Variants in MECOM observed in about 807,000 individuals in gnomAD.
The protein encoded by MECOM is histone-lysine N-methyltransferase MECOM.
A neutral mutation model predicts 116.3 loss-of-function variants in MECOM; 13 were observed. The ratio of observed to expected loss-of-function variants is 0.11; its 90% CI spans 0.07 to 0.18. The LOEUF (loss-of-function observed/expected upper bound fraction) is 0.18. Among genes scored for constraint, MECOM ranks in the 10% least tolerant of loss-of-function variants. The pLI, the probability that MECOM is intolerant of heterozygous loss-of-function variation, is 1.00. For missense variants in MECOM, 1,299 were observed against 1,509.0 expected, an observed-to-expected ratio of 0.86 and a Z score of 2.31; for synonymous variants, 528 against 535.2, an observed-to-expected ratio of 0.99 and a Z score of 0.19.
rs147231141 is a variant in MECOM, at chr3:169,493,037, A to C, written c.38-111513T>G. 1.1e-4 allele frequency among the ~76,000 whole-genome samples: 16 copies of C among 152,360 alleles called. 1 individual carries two copies. The highest frequency in any genetic ancestry group is 3.8e-4 in the African/African-American group (16 of 41,592). ...GTCTTTTCTTATTTAAATAGAATAG[A>C]AAGCTATAGTCAGAACAATGAACAA... On this transcript the variant is annotated intron_variant, in intron 1 of 16. Coordinates refer to ENST00000651503, the MANE Select transcript of MECOM (RefSeq NM_004991.4).
At chr3:169,385,997 A>G (rs538015996) in intron 1 of MECOM, among the ~76,000 whole-genome samples, 1 of 152,342 alleles carries the variant, frequency 6.6e-6, no homozygotes, top group Non-Finnish European at 1.5e-5. Context: ...GAGGAAAGAA[A>G]GACAAGCATA....
At chr3:169,525,808 C>T (rs1055186252) in intron 1 of MECOM, among the ~76,000 whole-genome samples, 1 of 152,138 alleles carries the variant, frequency 6.6e-6, no homozygotes, top group Non-Finnish European at 1.5e-5. Flanking sequence ...GCGGGTGGAT[C>T]GCCTGAGGTC....
At chr3:169,349,027 T>A (rs1377939913) in intron 2 of MECOM, among the ~76,000 whole-genome samples, 1 of 151,804 alleles carries the variant, frequency 6.6e-6, no homozygotes, top group Non-Finnish European at 1.5e-5. Flanking sequence ...TTTTTTTACA[T>A]CAATATAAAG....
intron 2 of MECOM, among the ~76,000 whole-genome samples, chr3:169,219,774 T>A (rs190138464): frequency 7.5e-4 from 113 of 149,832 alleles, no homozygotes; most frequent in Non-Finnish European, 1.4e-3. Context: ...TAATGGTATA[T>A]ATATATTATA....
At chr3:169,254,169 T>C (rs1756579974) in intron 2 of MECOM, among the ~76,000 whole-genome samples, 1 of 152,124 alleles carries the variant, frequency 6.6e-6, no homozygotes, top group Non-Finnish European at 1.5e-5. Context: ...TTAACATCTA[T>C]AATCAACCAG....
chr3:169,307,276 C>T (rs1471058749), intron 2 of MECOM, among the ~76,000 whole-genome samples: 1 of 152,094 alleles, frequency 6.6e-6, no homozygotes, highest in Non-Finnish European at 1.5e-5. Flanking sequence ...CTAGAATTGC[C>T]CCCTTCAATA....
chr3:169,426,578 T>C (rs971913602), intron 1 of MECOM, among the ~76,000 whole-genome samples: 5 of 152,210 alleles, frequency 3.3e-5, no homozygotes, highest in African/African-American at 1.2e-4. Flanking sequence ...GTTTTTCACC[T>C]TTTGAAATCC....
At chr3:169,584,530 A>C (rs1765548213) in intron 1 of MECOM, among the ~76,000 whole-genome samples, 3 of 149,086 alleles carry the variant, frequency 2.0e-5, no homozygotes, top group South Asian at 2.1e-4. Context: ...GCGCCGCTGC[A>C]CTCCAGCCTG....
chr3:169,401,998 A>T (rs138475891), intron 1 of MECOM, among the ~76,000 whole-genome samples: 4 of 152,300 alleles, frequency 2.6e-5, no homozygotes, highest in East Asian at 1.9e-4. Flanking sequence ...GGAGAAATTT[A>T]AAATTGGCAG....
intron 2 of MECOM, among the ~76,000 whole-genome samples, chr3:169,320,862 T>C (rs1450347982): frequency 6.6e-6 from 1 of 152,208 alleles, no homozygotes; most frequent in Non-Finnish European, 1.5e-5. Flanking sequence ...GATGGAGTGA[T>C]AGGAAAAAGC....
At chr3:169,532,702 G>A (rs1369370859) in intron 1 of MECOM, among the ~76,000 whole-genome samples, 2 of 152,108 alleles carry the variant, frequency 1.3e-5, no homozygotes, top group Non-Finnish European at 2.9e-5. Flanking sequence ...ACACCAAGTT[G>A]CCCTCAGTGT....
intron 10 of MECOM, among the ~76,000 whole-genome samples, chr3:169,107,614 G>A (rs900709912): frequency 6.6e-6 from 1 of 152,146 alleles, no homozygotes; most frequent in African/African-American, 2.4e-5. Context: ...TTCACTTAGT[G>A]ACCCATTTCG....
chr3:169,385,930 A>G (rs1025855741), intron 1 of MECOM, among the ~76,000 whole-genome samples: 2 of 152,188 alleles, frequency 1.3e-5, no homozygotes, highest in African/African-American at 4.8e-5. Flanking sequence ...CTTGGAGCTG[A>G]GCTGTCTGCT....
At chr3:169,129,044 C>T (rs1733824652) in intron 4 of MECOM, among the ~76,000 whole-genome samples, 1 of 152,122 alleles carries the variant, frequency 6.6e-6, no homozygotes, top group Non-Finnish European at 1.5e-5. Flanking sequence ...TGTTACTCTT[C>T]AATTGTTCAT....
At chr3:169,554,748 A>G (rs1357454816) in intron 1 of MECOM, among the ~76,000 whole-genome samples, 1 of 152,218 alleles carries the variant, frequency 6.6e-6, no homozygotes, top group Non-Finnish European at 1.5e-5. Context: ...TTCATATACT[A>G]AAAATAACAG....
At position 169,663,454 on chromosome 3, in the gene MECOM, G is replaced by A. The variant is rs374120104; in HGVS notation, c.-82C>T. On this transcript the variant is annotated 5_prime_UTR_variant, in exon 1 of 17. Transcript: ENST00000651503. ...CTTTCCTTCTTTTGCTCTCCCTCTCGCTCCCTCCCTCTCTCTCCTGTCTCT... is the reference window on the plus strand; with the variant it reads ...CTTTCCTTCTTTTGCTCTCCCTCTCACTCCCTCCCTCTCTCTCCTGTCTCT... The A allele has an allele frequency of 1.1e-5, 13 of 1,191,392 alleles. No homozygotes were observed. In the African/African-American group the frequency reaches 1.7e-4, roughly 16 times the overall value. 73.8% of individuals were successfully genotyped at this position (1,191,392 alleles called of 1,614,324 possible).
intron 1 of MECOM, among the ~76,000 whole-genome samples, chr3:169,473,817 G>A (rs1749932335): frequency 6.6e-6 from 1 of 151,914 alleles, no homozygotes; most frequent in Non-Finnish European, 1.5e-5. Context: ...TTAGTTTTGG[G>A]TACAAGAGAG....
intron 2 of MECOM, among the ~76,000 whole-genome samples, chr3:169,182,139 C>T (rs1577274297): frequency 6.6e-6 from 1 of 152,110 alleles, no homozygotes; most frequent in African/African-American, 2.4e-5. Context: ...GATTAATTAC[C>T]TCTGAAAGTA....
chr3:169,195,372 T>C (rs1410919852), intron 2 of MECOM, among the ~76,000 whole-genome samples: 4 of 152,086 alleles, frequency 2.6e-5, no homozygotes, highest in African/African-American at 9.7e-5. Flanking sequence ...TTGTAGAATG[T>C]GACTAAAGCA....
Sources: gnomAD v4.1 joint callset for allele counts (sites outside exome capture counted in the v4.1 genomes callset) on GRCh38, gnomAD v4.1.1 for gene constraint, MANE v1.5 for transcripts, NCBI Gene and HGNC (gene_info 2026-07-23, HGNC 2026-07-21) for gene names.